Variants in PGM1 observed in about 807,000 individuals in gnomAD.
PGM1 encodes the protein phosphoglucomutase-1.
A neutral mutation model predicts 55.6 loss-of-function variants in PGM1; 52 were observed. The observed-to-expected ratio is 0.94, with a 90% CI of 0.75 to 1.18. The LOEUF (loss-of-function observed/expected upper bound fraction) is 1.18. Ranked by LOEUF, PGM1 falls within the 50% of genes most tolerant of loss-of-function variation. The probability of loss-of-function intolerance (pLI) is 0.00; values close to 1 mark genes in which losing one functional copy is unlikely to be tolerated. For missense variants in PGM1, 724 were observed against 729.3 expected (o/e 0.99, Z 0.08); for synonymous variants, 287 against 271.7 (o/e 1.06, Z -0.55).
At chr1:63,646,671 TCTC>T (rs1649653075) in intron 7 of PGM1, among the ~76,000 whole-genome samples, 1 of 152,166 alleles carries the variant, frequency 6.6e-6, no homozygotes, top group Non-Finnish European at 1.5e-5. Context: ...TCCCTTTTAT[TCTC>T]CTGGCACTGG....
At chr1:63,615,293 A>T (rs1333122602) in intron 1 of PGM1, among the ~76,000 whole-genome samples, 1 of 152,192 alleles carries the variant, frequency 6.6e-6, no homozygotes, top group Non-Finnish European at 1.5e-5. Context: ...ATGGCCAGGC[A>T]TTGTGAGAAG....
At chr1:63,596,742 A>G (rs1012084530) in intron 1 of PGM1, among the ~76,000 whole-genome samples, 1 of 152,198 alleles carries the variant, frequency 6.6e-6, no homozygotes, top group Non-Finnish European at 1.5e-5. Flanking sequence ...TTTCCCATAG[A>G]TAATTCTAGA....
In PGM1 at chr1:63,617,606, TGAGGCTGAGGCACGAGAACTCAG is replaced by T. The variant is rs1404291493; in HGVS notation, c.247-11800_247-11778del. On this transcript the variant is annotated intron_variant, in intron 1 of 10. Transcript: ENST00000371084. ...CCTGTAATCCCAGCTCAGGTGGGAT[TGAGGCTGAGGCACGAGAACTCAG>T]GAGGCTGAGGCACGAGAATTGCTTG... Among the ~76,000 whole-genome samples the T allele has an allele frequency of 9.9e-5, 15 of 151,784 alleles. No homozygotes were observed. In the East Asian group the frequency reaches 1.4e-3, roughly 14 times the overall value.
chr1:63,595,207 C>T (rs1401967214), intron 1 of PGM1, among the ~76,000 whole-genome samples: 1 of 152,092 alleles, frequency 6.6e-6, no homozygotes, highest in African/African-American at 2.4e-5. Context: ...CTATGGTAAG[C>T]GCTTCATTTC....
intron 4 of PGM1, among the ~76,000 whole-genome samples, chr1:63,633,239 T>C (rs855307): frequency 0.49 from 75,042 of 152,020 alleles, 20,601 homozygotes; most frequent in African/African-American, 0.73. Flanking sequence ...AGTCGGTGGC[T>C]GTGGCAAAGG....
At chr1:63,625,855 A>C (rs890669937) in intron 1 of PGM1, among the ~76,000 whole-genome samples, 1 of 152,162 alleles carries the variant, frequency 6.6e-6, no homozygotes, top group African/African-American at 2.4e-5. Flanking sequence ...CCCCTTTTAG[A>C]ATATTGATAT....
chr1:63,624,364 C>T lies in PGM1; in HGVS notation c.247-5061C>T, dbSNP rs115821806. On this transcript the variant is annotated intron_variant, in intron 1 of 10. Coordinates refer to ENST00000371084, the MANE Select transcript of PGM1 (RefSeq NM_002633.3). ...CCGTGCGCATGGTGAATTTGTGCAG[C>T]AGGGTAGAGATAATAACTCCTGTAA... Among the ~76,000 whole-genome samples, 922 of 152,278 alleles carry T rather than the reference C, an allele frequency of 6.1e-3. 4 individuals carry two copies. The highest frequency in any genetic ancestry group is 0.017 in the Middle Eastern group (5 of 294).
At chr1:63,659,186 G>A (rs1650046968) in intron 10 of PGM1, among the ~76,000 whole-genome samples, 1 of 152,232 alleles carries the variant, frequency 6.6e-6, no homozygotes, top group Non-Finnish European at 1.5e-5. Context: ...AGATGCACAA[G>A]TGGATGTGGA....
At chr1:63,657,123 A>G (rs1649989295) in intron 10 of PGM1, among the ~76,000 whole-genome samples, 1 of 152,256 alleles carries the variant, frequency 6.6e-6, no homozygotes, top group African/African-American at 2.4e-5. Flanking sequence ...AAAAAATTGA[A>G]AGTAAAATAA....
chr1:63,625,079 A>AT (rs1433023277), intron 1 of PGM1, among the ~76,000 whole-genome samples: 1 of 152,180 alleles, frequency 6.6e-6, no homozygotes, highest in South Asian at 2.1e-4. Flanking sequence ...ATGGAACATT[A>AT]TTTCTCCACA....
At chr1:63,611,803 T>G (rs1210272247) in intron 1 of PGM1, among the ~76,000 whole-genome samples, 2 of 151,938 alleles carry the variant, frequency 1.3e-5, no homozygotes, top group Non-Finnish European at 2.9e-5. Context: ...TTCGGGAGGC[T>G]GAGGCAGGAG....
At chr1:63,637,795 A>G (rs1173277226) in intron 6 of PGM1, among the ~76,000 whole-genome samples, 3 of 152,206 alleles carry the variant, frequency 2.0e-5, no homozygotes, top group South Asian at 2.1e-4. Flanking sequence ...TAATCCACAT[A>G]TAGAATCACA....
intron 2 of PGM1, 101 bp downstream of exon 2, chr1:63,629,688 C>A: frequency 8.2e-7 from 1 of 1,216,776 alleles, no homozygotes; most frequent in Non-Finnish European, 1.2e-6. Context: ...TGATCCTTTG[C>A]AGGGGGTAGG....
intron 1 of PGM1, among the ~76,000 whole-genome samples, chr1:63,607,156 G>A (rs895580460): frequency 4.6e-5 from 7 of 152,138 alleles, no homozygotes; most frequent in South Asian, 2.1e-4. Flanking sequence ...TTAAGCAGCC[G>A]TTAGTCTACT....
intron 6 of PGM1, among the ~76,000 whole-genome samples, chr1:63,637,029 C>T (rs1029415786): frequency 1.3e-5 from 2 of 152,216 alleles, no homozygotes; most frequent in Non-Finnish European, 2.9e-5. Context: ...AAAGTCATAA[C>T]AGATGAGGAC....
At chr1:63,640,197 A>C (rs1439255769) in intron 7 of PGM1, among the ~76,000 whole-genome samples, 1 of 152,206 alleles carries the variant, frequency 6.6e-6, no homozygotes, top group Non-Finnish European at 1.5e-5. Flanking sequence ...TTATGAATGA[A>C]GATGTCTTTG....
chr1:63,613,728 G>T (rs1311492913), intron 1 of PGM1, among the ~76,000 whole-genome samples: 1 of 149,540 alleles, frequency 6.7e-6, no homozygotes, highest in South Asian at 2.1e-4. Flanking sequence ...TTTTTGGAGG[G>T]GGCGGGAGTA....
chr1:63,611,241 GC>G (rs1648555694), intron 1 of PGM1, among the ~76,000 whole-genome samples: 1 of 152,090 alleles, frequency 6.6e-6, no homozygotes, highest in Non-Finnish European at 1.5e-5. Context: ...ATGTGTTTAA[GC>G]CAAGTCCTGA....
At position 63,627,159 on chromosome 1, in the gene PGM1, T is replaced by A. The variant is rs542939659; in HGVS notation, c.247-2266T>A. On this transcript the variant is annotated intron_variant, in intron 1 of 10. Transcript: ENST00000371084. Reference sequence around the variant, plus strand: ...ATTCACTTGATGATAGACGTTAGCGTTCTTTCCACCCTTTGACTTTTGTGA... The same window carrying A: ...ATTCACTTGATGATAGACGTTAGCGATCTTTCCACCCTTTGACTTTTGTGA... Among the ~76,000 whole-genome samples the A allele has an allele frequency of 9.8e-4, 149 of 151,478 alleles. 1 individual carries two copies. Among genetic ancestry groups the A allele is most frequent in the African/African-American group, 3.5e-3 (145 of 41,360 alleles).
Sources: allele counts gnomAD v4.1 joint callset (sites outside exome capture counted in the v4.1 genomes callset), GRCh38; gene constraint gnomAD v4.1.1; transcripts MANE v1.5; gene names NCBI Gene and HGNC (gene_info 2026-07-23, HGNC 2026-07-21).